The following LRRC2 variants were observed in gnomAD, a reference collection of about 807,000 sequenced individuals.
LRRC2 encodes the protein leucine rich repeat containing 2, also known as leucine-rich repeat-containing protein 2.
Under a neutral mutation model 40.2 loss-of-function variants are expected in LRRC2, and 27 were observed. That is an observed-to-expected ratio of 0.67 (90% CI 0.49 to 0.93). The LOEUF is 0.93. Among genes scored for constraint, LRRC2 ranks in the 40% least tolerant of loss-of-function variants. The pLI is 0.00. For missense variants in LRRC2, 402 were observed against 439.6 expected, an observed-to-expected ratio of 0.91 and a Z score of 0.76; for synonymous variants, 147 against 158.9, an observed-to-expected ratio of 0.92 and a Z score of 0.56.
chr3:46,560,576 C>T (rs574306957), intron 1 of LRRC2, among the ~76,000 whole-genome samples: 7 of 152,306 alleles, frequency 4.6e-5, no homozygotes, highest in Non-Finnish European at 8.8e-5. Flanking sequence ...AACTTTACAA[C>T]GAAGTAGATT....
At chr3:46,519,290 T>C (rs1254273309) in intron 8 of LRRC2, among the ~76,000 whole-genome samples, 1 of 152,250 alleles carries the variant, frequency 6.6e-6, no homozygotes, top group Non-Finnish European at 1.5e-5. Context: ...CTAAGAATCG[T>C]TAACTTTCAT....
intron 1 of LRRC2, among the ~76,000 whole-genome samples, chr3:46,554,469 C>T (rs1222143693): frequency 6.6e-6 from 1 of 151,886 alleles, no homozygotes; most frequent in African/African-American, 2.4e-5. Context: ...TATGGTGAAA[C>T]CCCATCTCTA....
chr3:46,535,815 C>CA (rs1553612723), intron 4 of LRRC2, among the ~76,000 whole-genome samples: 1 of 151,988 alleles, frequency 6.6e-6, no homozygotes, highest in African/African-American at 2.4e-5. Flanking sequence ...CTAATAATAG[C>CA]AATAATAATA....
At chr3:46,549,397 C>A (rs1289780939) in intron 2 of LRRC2, among the ~76,000 whole-genome samples, 1 of 152,190 alleles carries the variant, frequency 6.6e-6, no homozygotes. Flanking sequence ...TTACTACCCC[C>A]ATTTCTGAAG....
intron 3 of LRRC2, among the ~76,000 whole-genome samples, chr3:46,540,921 T>C (rs1704373150): frequency 6.6e-6 from 1 of 152,236 alleles, no homozygotes; most frequent in Admixed American, 6.5e-5. Context: ...AATCTCTTCA[T>C]TGACACTTCA....
rs1471003982 is a variant in LRRC2, at chr3:46,527,295, G to A, written c.929+131C>T. On this transcript the variant is annotated intron_variant, in intron 7 of 8. Transcript: ENST00000395905. ...CCTGTAAAAAGTCACCAGAACTTCTGTGAGTTGGGATCAGGTTCTCAGAGT... is the reference window on the plus strand; with the variant it reads ...CCTGTAAAAAGTCACCAGAACTTCTATGAGTTGGGATCAGGTTCTCAGAGT... 4.3e-6 allele frequency: 4 copies of A among 925,386 alleles called. No homozygotes were observed. The African/African-American group carries it at 5.0e-5, about 11-fold the overall frequency. The allele number at this position is 925,386 out of a possible 1,614,324, so 57.3% of individuals were successfully genotyped here. A position where few individuals can be genotyped will look rare whatever the true frequency, so the allele number is the denominator to read the frequency against.
intron 2 of LRRC2, chr3:46,551,115 T>C (rs1467188005): frequency 2.4e-5 from 4 of 165,694 alleles, no homozygotes; most frequent in South Asian, 1.9e-4. Flanking sequence ...CTGCCCCAGA[T>C]GGCAGTCAGA....
intron 4 of LRRC2, among the ~76,000 whole-genome samples, chr3:46,534,434 TTCTTTCTTTCTTTC>T (rs1704233370): frequency 3.0e-5 from 4 of 133,046 alleles, no homozygotes; most frequent in African/African-American, 1.6e-4. Context: ...CTTTCTTTCT[TTCTTTCTTTCTTTC>T]TTTCTTTCTT....
intron 1 of LRRC2, among the ~76,000 whole-genome samples, chr3:46,553,488 C>T (rs1017645902): frequency 6.6e-6 from 1 of 152,082 alleles, no homozygotes; most frequent in African/African-American, 2.4e-5. Flanking sequence ...TTACCTGTTC[C>T]CTAGGCTGGA....
At chr3:46,541,729 T>C (rs1025428785) in intron 3 of LRRC2, among the ~76,000 whole-genome samples, 6 of 152,050 alleles carry the variant, frequency 3.9e-5, no homozygotes, top group Non-Finnish European at 8.8e-5. Flanking sequence ...AAGAAAGAGA[T>C]CGGGTTCAAA....
intron 1 of LRRC2, among the ~76,000 whole-genome samples, chr3:46,561,928 C>A (rs1704954120): frequency 6.6e-6 from 1 of 152,206 alleles, no homozygotes; most frequent in Non-Finnish European, 1.5e-5. Context: ...AGGTGCCAGG[C>A]CTGCAGGTTA....
chr3:46,521,755 G>T, intron 7 of LRRC2, 97 bp from the exon 8 acceptor site: 1 of 1,260,462 alleles, frequency 7.9e-7, no homozygotes, highest in Non-Finnish European at 1.1e-6. Context: ...CCAAGTTCTG[G>T]CTTACCTTTA....
intron 1 of LRRC2, among the ~76,000 whole-genome samples, chr3:46,564,690 G>T (rs1705020924): frequency 6.6e-6 from 1 of 152,078 alleles, no homozygotes; most frequent in African/African-American, 2.4e-5. Context: ...TGATGCCAGA[G>T]GTCACCTTAA....
At chr3:46,551,394 A>C in intron 2 of LRRC2, 73 bp downstream of exon 2, 2 of 1,542,182 alleles carry the variant, frequency 1.3e-6, no homozygotes, top group Non-Finnish European at 1.7e-6. Flanking sequence ...ATCCTCCTCC[A>C]CAACGCAACT....
In LRRC2 at chr3:46,560,512, C is replaced by T. The variant is rs573054184; in HGVS notation, c.-20+5665G>A. 3.3e-5 allele frequency among the ~76,000 whole-genome samples: 5 copies of T among 152,320 alleles called. No individual in the cohort carries two copies. In the East Asian group the frequency reaches 5.8e-4, roughly 18 times the overall value. ...CAGAAAAGGGAAAAATTAACCTCTA[C>T]GGGATCCAGTCAAGAGACCCTCAAT... is the stretch of plus-strand genomic sequence containing the variant. On this transcript the variant is annotated intron_variant, in intron 1 of 8. Transcript: ENST00000395905.
chr3:46,521,389 G>C (rs1054331138), intron 8 of LRRC2, 133 bp downstream of exon 8: 2 of 646,122 alleles, frequency 3.1e-6, no homozygotes, highest in African/African-American at 3.7e-5. Flanking sequence ...AGGGTAAATG[G>C]AAAAATAATT....
At chr3:46,550,592 C>T (rs867604434) in intron 2 of LRRC2, among the ~76,000 whole-genome samples, 59 of 152,214 alleles carry the variant, frequency 3.9e-4, no homozygotes, top group African/African-American at 1.2e-3. Context: ...GGGGTTTCAC[C>T]GTGTTAGCCA....
At chr3:46,549,587 A>G (rs371497336) in intron 2 of LRRC2, among the ~76,000 whole-genome samples, 90 of 152,334 alleles carry the variant, frequency 5.9e-4, no homozygotes, top group African/African-American at 2.1e-3. Context: ...CACAAGCTCA[A>G]TGACACTGAG....
At chr3:46,562,894 T>G (rs1481041401) in intron 1 of LRRC2, among the ~76,000 whole-genome samples, 1 of 152,000 alleles carries the variant, frequency 6.6e-6, no homozygotes, top group African/African-American at 2.4e-5. Context: ...TCCGGCTAAT[T>G]TTTGTATTTT....
Sources: allele counts gnomAD v4.1 joint callset (sites outside exome capture counted in the v4.1 genomes callset), GRCh38; gene constraint gnomAD v4.1.1; transcripts MANE v1.5; gene names NCBI Gene and HGNC (gene_info 2026-07-23, HGNC 2026-07-21).